The following SMYD3 variants were observed in gnomAD, a reference collection of about 807,000 sequenced individuals.
SMYD3 encodes the protein SET and MYND domain containing 3, also known as histone-lysine N-methyltransferase SMYD3.
SMYD3 carries 36 observed loss-of-function variants against 57.7 expected under a neutral mutation model. The ratio of observed to expected loss-of-function variants is 0.62; its 90% CI spans 0.48 to 0.82. SMYD3 has a LOEUF of 0.82. Among genes scored for constraint, SMYD3 ranks in the 40% least tolerant of loss-of-function variants. SMYD3 has a pLI of 0.00. For synonymous variants in SMYD3, 211 were observed against 195.0 expected, an observed-to-expected ratio of 1.08 and a Z score of -0.68; for missense variants, 515 against 538.8, an observed-to-expected ratio of 0.96 and a Z score of 0.44.
intron 1 of SMYD3, among the ~76,000 whole-genome samples, chr1:246,412,858 C>CAAA (rs35012889): frequency 4.2e-5 from 5 of 120,354 alleles, no homozygotes; most frequent in East Asian, 2.3e-4. Context: ...GACTCCGTCT[C>CAAA]AAAAAAAAAA....
At chr1:246,395,396 T>A (rs2066642857) in intron 1 of SMYD3, among the ~76,000 whole-genome samples, 1 of 152,270 alleles carries the variant, frequency 6.6e-6, no homozygotes, top group Non-Finnish European at 1.5e-5. Context: ...GCAGTCCAAG[T>A]GGAAATGTTC....
At chr1:245,773,968 C>A in intron 10 of SMYD3, among the ~76,000 whole-genome samples, 1 of 152,060 alleles carries the variant, frequency 6.6e-6, no homozygotes, top group Non-Finnish European at 1.5e-5. Context: ...CGTTTTAGTT[C>A]AAGTTTATAA....
chr1:246,061,520 C>T (rs974221412), intron 5 of SMYD3, among the ~76,000 whole-genome samples: 1 of 151,424 alleles, frequency 6.6e-6, no homozygotes, highest in Non-Finnish European at 1.5e-5. Context: ...CAATTCAAGA[C>T]CAGCCTGGGC....
chr1:246,468,096 A>C (rs2103045678), intron 1 of SMYD3, among the ~76,000 whole-genome samples: 1 of 150,844 alleles, frequency 6.6e-6, no homozygotes, highest in Non-Finnish European at 1.5e-5. Flanking sequence ...AGGAGGTGGA[A>C]GTTGCAGTGA....
intron 5 of SMYD3, among the ~76,000 whole-genome samples, chr1:245,953,552 T>C (rs1558529300): frequency 6.6e-6 from 1 of 152,110 alleles, no homozygotes; most frequent in Non-Finnish European, 1.5e-5. Flanking sequence ...CCTGAGTAGC[T>C]GGGATTATAG....
chr1:246,106,269 C>T (rs6681902), intron 5 of SMYD3, among the ~76,000 whole-genome samples: 24,893 of 152,028 alleles, frequency 0.16, 3,589 homozygotes, highest in African/African-American at 0.39. Context: ...AAGACCACGA[C>T]GGCAGCAGAT....
chr1:246,177,318 A>G (rs772978429), intron 5 of SMYD3, among the ~76,000 whole-genome samples: 2 of 152,228 alleles, frequency 1.3e-5, no homozygotes, highest in Non-Finnish European at 2.9e-5. Flanking sequence ...TTAAGAGTTT[A>G]TAAGTTTAAA....
At chr1:246,099,892 G>C (rs2147928480) in intron 5 of SMYD3, among the ~76,000 whole-genome samples, 1 of 152,254 alleles carries the variant, frequency 6.6e-6, no homozygotes, top group South Asian at 2.1e-4. Flanking sequence ...AGTATTTATG[G>C]ACAGCCCAGC....
intron 5 of SMYD3, among the ~76,000 whole-genome samples, chr1:246,196,088 T>A (rs1277586687): frequency 6.6e-6 from 1 of 151,918 alleles, no homozygotes; most frequent in Non-Finnish European, 1.5e-5. Flanking sequence ...CATGTTTAAA[T>A]TTTTTTTCTA....
intron 1 of SMYD3, among the ~76,000 whole-genome samples, chr1:246,441,814 G>A (rs2067475764): frequency 6.6e-6 from 1 of 152,208 alleles, no homozygotes; most frequent in Non-Finnish European, 1.5e-5. Context: ...GTTTCACCAT[G>A]CTGGCCAGGC....
chr1:246,307,937 A>G (rs759626334), intron 5 of SMYD3, among the ~76,000 whole-genome samples: 17 of 152,198 alleles, frequency 1.1e-4, no homozygotes, highest in Non-Finnish European at 2.2e-4. Flanking sequence ...GTACCTCGGT[A>G]GCCTATTTGC....
intron 5 of SMYD3, among the ~76,000 whole-genome samples, chr1:245,972,828 C>T (rs1558547097): frequency 1.3e-5 from 2 of 152,158 alleles, no homozygotes; most frequent in South Asian, 4.1e-4. Flanking sequence ...GTGGAGTCAC[C>T]CACCCACCTG....
At chr1:246,107,778 A>T (rs1329126375) in intron 5 of SMYD3, among the ~76,000 whole-genome samples, 1 of 152,228 alleles carries the variant, frequency 6.6e-6, no homozygotes, top group African/African-American at 2.4e-5. Flanking sequence ...CCCCTAGGGC[A>T]ATTATAAGTG....
At chr1:246,358,156 G>T (rs540265769) in intron 1 of SMYD3, among the ~76,000 whole-genome samples, 1 of 152,154 alleles carries the variant, frequency 6.6e-6, no homozygotes, top group Non-Finnish European at 1.5e-5. Context: ...AAAGTAAGCA[G>T]GAGTAGCTAT....
chr1:245,988,143 G>T lies in SMYD3; in HGVS notation c.532-58206C>A, dbSNP rs538304786. On this transcript the variant is annotated intron_variant, in intron 5 of 11. Coordinates refer to ENST00000490107, the MANE Select transcript of SMYD3 (RefSeq NM_001167740.2). ...ACACACACACACACACACACACACC[G>T]CCACCCACAAACCAGTCCTAACCAC... Among the ~76,000 whole-genome samples the T allele has an allele frequency of 1.4e-4, 20 of 145,724 alleles. 1 individual carries two copies. The East Asian group carries it at 4.1e-3, about 30-fold the overall frequency.
At chr1:246,315,855 A>T (rs1462068837) in intron 5 of SMYD3, among the ~76,000 whole-genome samples, 4 of 152,240 alleles carry the variant, frequency 2.6e-5, no homozygotes, top group African/African-American at 9.6e-5. Flanking sequence ...AGCCATCCCC[A>T]AACTCGCCTG....
At chr1:245,859,019 AATT>A (rs1391145938) in intron 9 of SMYD3, among the ~76,000 whole-genome samples, 1 of 152,230 alleles carries the variant, frequency 6.6e-6, no homozygotes, top group Non-Finnish European at 1.5e-5. Flanking sequence ...AGATTAAGTT[AATT>A]CGATTTTAAA....
chr1:245,973,612 G>A (rs1254565256), intron 5 of SMYD3, among the ~76,000 whole-genome samples: 1 of 152,196 alleles, frequency 6.6e-6, no homozygotes, highest in African/African-American at 2.4e-5. Context: ...ACATACCAAA[G>A]AATCTTGCTT....
At chr1:246,336,981 T>C (rs1365973957) in intron 2 of SMYD3, among the ~76,000 whole-genome samples, 1 of 152,216 alleles carries the variant, frequency 6.6e-6, no homozygotes. Context: ...GAGGGATTTA[T>C]TCCAAGAATG....
Sources: allele counts gnomAD v4.1 joint callset (sites outside exome capture counted in the v4.1 genomes callset), GRCh38; gene constraint gnomAD v4.1.1; transcripts MANE v1.5; gene names NCBI Gene and HGNC (gene_info 2026-07-23, HGNC 2026-07-21).